BTBD10: variants seen among roughly 807,000 people sequenced by gnomAD.
BTBD10 encodes the protein BTB domain containing 10, also known as BTB/POZ domain-containing protein 10.
Under a neutral mutation model 53.2 loss-of-function variants are expected in BTBD10, and 21 were observed. The observed-to-expected ratio is 0.39, with a 90% CI of 0.28 to 0.57. BTBD10 has a LOEUF of 0.57. Ranked by LOEUF, BTBD10 falls within the 20% of genes least tolerant of loss-of-function variation. The probability of loss-of-function intolerance (pLI) is 0.53; values close to 1 mark genes in which losing one functional copy is unlikely to be tolerated. For missense variants in BTBD10, 360 were observed against 594.7 expected, an observed-to-expected ratio of 0.61 and a Z score of 4.10; for synonymous variants, 149 against 192.7, an observed-to-expected ratio of 0.77 and a Z score of 1.88.
At chr11:13,454,316 G>A (rs945177082) in intron 1 of BTBD10, among the ~76,000 whole-genome samples, 5 of 152,016 alleles carry the variant, frequency 3.3e-5, no homozygotes, top group African/African-American at 1.2e-4. Flanking sequence ...AAGATAGTGG[G>A]GATAAAAGAC....
At chr11:13,423,064 T>G (rs1489673290) in intron 2 of BTBD10, among the ~76,000 whole-genome samples, 1 of 152,144 alleles carries the variant, frequency 6.6e-6, no homozygotes, top group Non-Finnish European at 1.5e-5. Flanking sequence ...AAAAAAGACA[T>G]TGCTATAGAG....
chr11:13,454,068 AAAG>A (rs1210477038), intron 1 of BTBD10, among the ~76,000 whole-genome samples: 1 of 152,074 alleles, frequency 6.6e-6, no homozygotes, highest in Non-Finnish European at 1.5e-5. Context: ...AAAAACAAAA[AAAG>A]AAGAAGAAAG....
At position 13,405,531 on chromosome 11, in the gene BTBD10, T is replaced by C. The variant is rs527818939; in HGVS notation, c.1006+128A>G. ...AGCAGCCATAGGCAATACATAAAAC[T>C]TAATTTATAAAAATAGGTGATGGGC... is the stretch of plus-strand genomic sequence containing the variant. On this transcript the variant is annotated intron_variant, in intron 7 of 8. Coordinates refer to ENST00000278174, the MANE Select transcript of BTBD10 (RefSeq NM_032320.7). 23 of 1,024,356 alleles carry C rather than the reference T, an allele frequency of 2.2e-5. No homozygotes were observed. The South Asian group carries it at 3.3e-4, about 15-fold the overall frequency. The allele number at this position is 1,024,356 out of a possible 1,614,324, so 63.5% of individuals were successfully genotyped here.
chr11:13,389,176 C>G (rs990107334), intron 8 of BTBD10, 35 bp from the exon 9 acceptor site: 4 of 1,560,718 alleles, frequency 2.6e-6, no homozygotes, highest in African/African-American at 1.4e-5. Context: ...ACTGAGGAGA[C>G]ACACACAGAC....
chr11:13,452,433 G>T (rs1480374753), intron 1 of BTBD10, among the ~76,000 whole-genome samples: 1 of 152,096 alleles, frequency 6.6e-6, no homozygotes, highest in Admixed American at 6.5e-5. Flanking sequence ...ATATCAGAAA[G>T]AAATAATTTT....
At chr11:13,399,372 T>A (rs189895526) in intron 8 of BTBD10, among the ~76,000 whole-genome samples, 12 of 152,328 alleles carry the variant, frequency 7.9e-5, no homozygotes, top group Non-Finnish European at 1.5e-4. Context: ...GTCACGTAGT[T>A]CTCGTGCCGT....
chr11:13,441,299 G>C (rs1950644499), intron 2 of BTBD10, among the ~76,000 whole-genome samples: 1 of 151,946 alleles, frequency 6.6e-6, no homozygotes, highest in African/African-American at 2.4e-5. Flanking sequence ...ACCTTTTACT[G>C]AATATTCCCA....
intron 2 of BTBD10, among the ~76,000 whole-genome samples, chr11:13,440,689 G>A (rs1053476807): frequency 3.9e-5 from 6 of 152,122 alleles, no homozygotes; most frequent in Non-Finnish European, 7.3e-5. Context: ...ACGAGCATGC[G>A]TACTTCCATG....
chr11:13,436,675 G>A lies in BTBD10; in HGVS notation c.101+8349C>T, dbSNP rs531869911. Among the ~76,000 whole-genome samples the A allele has an allele frequency of 7.2e-4, 109 of 152,290 alleles. 3 individuals carry two copies. In the South Asian group the frequency reaches 0.022, roughly 31 times the overall value. ...AGCTCATGCTCCTAACTTCAAACAA[G>A]TCTGACTCAAACCATGTCTAATTAC... On this transcript the variant is annotated intron_variant, in intron 2 of 8. Transcript: ENST00000278174.
intron 3 of BTBD10, among the ~76,000 whole-genome samples, chr11:13,421,383 A>C (rs912272403): frequency 6.6e-6 from 1 of 152,228 alleles, no homozygotes; most frequent in Admixed American, 6.5e-5. Flanking sequence ...TTGAAAATCT[A>C]TATATCACAG....
At chr11:13,452,778 A>C (rs1192375797) in intron 1 of BTBD10, among the ~76,000 whole-genome samples, 4 of 152,244 alleles carry the variant, frequency 2.6e-5, no homozygotes, top group Non-Finnish European at 4.4e-5. Flanking sequence ...CGTGAAATGA[A>C]GAAAATAACA....
intron 8 of BTBD10, among the ~76,000 whole-genome samples, chr11:13,397,678 T>C (rs1949592223): frequency 6.6e-6 from 1 of 152,232 alleles, no homozygotes; most frequent in South Asian, 2.1e-4. Flanking sequence ...TGTGGGCATT[T>C]AGTGCTATAA....
rs1239285607 is a variant in BTBD10, at chr11:13,417,217, C to T, written c.628G>A (p.Glu210Lys). 3.7e-6 allele frequency: 6 copies of T among 1,613,516 alleles called. No individual in the cohort carries two copies. Among genetic ancestry groups the T allele is most frequent in the Admixed American group, 1.7e-5 (1 of 59,958 alleles). Residue 210 changes from glutamate (E) to lysine (K), a missense_variant, in exon 5 of 9, where the codon GAG (glutamate) becomes AAG (lysine). Physicochemically the swap from Glu to Lys is moderately conservative, Grantham distance 56. Coordinates refer to ENST00000278174, the MANE Select transcript of BTBD10 (RefSeq NM_032320.7). ...GREHNFTRPN[E>K]KGEYEVAEGI... ...TCTGCCACCTCATACTCTCCTTTCT[C>T]ATTGGGTCGTGTAAAGTTATGTTCT...
intron 6 of BTBD10, among the ~76,000 whole-genome samples, chr11:13,410,500 T>C (rs1311618071): frequency 6.6e-6 from 1 of 152,122 alleles, no homozygotes; most frequent in Non-Finnish European, 1.5e-5. Flanking sequence ...CCTCTCAAAG[T>C]GCTGGGAATA....
chr11:13,458,928 T>C (rs1473538992), intron 1 of BTBD10, among the ~76,000 whole-genome samples: 1 of 152,116 alleles, frequency 6.6e-6, no homozygotes, highest in African/African-American at 2.4e-5. Flanking sequence ...TTTGAAACAA[T>C]CCAGCACTAT....
intron 8 of BTBD10, among the ~76,000 whole-genome samples, chr11:13,402,853 A>G (rs928685830): frequency 1.3e-5 from 2 of 152,184 alleles, no homozygotes; most frequent in East Asian, 3.8e-4. Flanking sequence ...TCCTATGGGA[A>G]TGTACATATA....
At chr11:13,403,621 A>G (rs1278702653) in intron 7 of BTBD10, among the ~76,000 whole-genome samples, 1 of 152,214 alleles carries the variant, frequency 6.6e-6, no homozygotes, top group Non-Finnish European at 1.5e-5. Flanking sequence ...TCAATATCGC[A>G]TCATTATCAA....
chr11:13,417,237 T>C lies in BTBD10; in HGVS notation c.608A>G (p.His203Arg). 6.8e-6 allele frequency: 11 copies of C among 1,613,348 alleles called. No individual in the cohort carries two copies. Among genetic ancestry groups the C allele is most frequent in the Non-Finnish European group, 7.6e-6 (9 of 1,179,544 alleles). Residue 203 changes from histidine (H) to arginine (R), a missense_variant, in exon 5 of 9, where the codon CAT (histidine) becomes CGT (arginine). His to Arg is a conservative substitution (Grantham distance 29). Coordinates refer to ENST00000278174, the MANE Select transcript of BTBD10 (RefSeq NM_032320.7). The stretch of plus-strand genomic sequence containing the variant: ...TTTCTCATTGGGTCGTGTAAAGTTA[T>C]GTTCTCGGCCAGATCCAAACATCCT... ...LGRMFGSGRE[H>R]NFTRPNEKGE...
At chr11:13,419,893 A>C in intron 3 of BTBD10, 148 bp from the exon 4 acceptor site, 4 of 799,510 alleles carry the variant, frequency 5.0e-6, no homozygotes, top group Non-Finnish European at 7.4e-6. Context: ...TTAACAGAAC[A>C]CCATAAACAT....
Sources: allele counts gnomAD v4.1 joint callset (sites outside exome capture counted in the v4.1 genomes callset), GRCh38; gene constraint gnomAD v4.1.1; transcripts MANE v1.5; gene names NCBI Gene and HGNC (gene_info 2026-07-23, HGNC 2026-07-21).